The following AGBL1 variants were observed in gnomAD, a reference collection of about 807,000 sequenced individuals.
The protein encoded by AGBL1 is AGBL carboxypeptidase 1.
In AGBL1, 130 loss-of-function variants were observed where a neutral mutation model predicts 118.9. The ratio of observed to expected loss-of-function variants is 1.09; its 90% CI spans 0.95 to 1.26. AGBL1 has a LOEUF of 1.26. AGBL1 is among the 50% of genes most tolerant of loss of function. AGBL1 has a pLI of 0.00. For synonymous variants in AGBL1, 555 were observed against 478.9 expected, an observed-to-expected ratio of 1.16 and a Z score of -2.08; for missense variants, 1,584 against 1,298.1, an observed-to-expected ratio of 1.22 and a Z score of -3.38.
intron 1 of AGBL1, among the ~76,000 whole-genome samples, chr15:86,119,867 C>T (rs183160062): frequency 6.6e-6 from 1 of 152,086 alleles, no homozygotes; most frequent in Non-Finnish European, 1.5e-5. Flanking sequence ...TAGAAAGATT[C>T]GAGTGGTGCC....
chr15:86,097,049 C>T (rs1367319506), intron 1 of AGBL1, among the ~76,000 whole-genome samples: 1 of 152,182 alleles, frequency 6.6e-6, no homozygotes, highest in Non-Finnish European at 1.5e-5. Context: ...TGCAGACTCA[C>T]TTCTAGAATT....
Position 86,900,026 on chromosome 15 carries a change from C to A in AGBL1, c.3159-7061C>A, listed in dbSNP as rs568246972. ...AGTCTTCTGGCCTTCATCTTTCTCCCGTGCTGGATGCTTCCTGCCCTTGAA... is the reference window on the plus strand; with the variant it reads ...AGTCTTCTGGCCTTCATCTTTCTCCAGTGCTGGATGCTTCCTGCCCTTGAA... On this transcript the variant is annotated intron_variant, in intron 22 of 22. Transcript: ENST00000614907. 8.5e-5 allele frequency among the ~76,000 whole-genome samples: 13 copies of A among 152,260 alleles called. No homozygotes were observed. The South Asian group carries it at 2.5e-3, about 29-fold the overall frequency.
chr15:86,785,070 G>A (rs948446497), intron 22 of AGBL1, among the ~76,000 whole-genome samples: 1 of 152,170 alleles, frequency 6.6e-6, no homozygotes, highest in Non-Finnish European at 1.5e-5. Context: ...GAATGCAAAT[G>A]AATTGGTGTT....
chr15:86,910,410 C>T lies in AGBL1; in HGVS notation c.*3116C>T, dbSNP rs1311938769. ...GTCAGATAAAGCTGCATTTGGCATT[C>T]CTTGATGAAAAGGCTGAATTTAATT... On this transcript the variant is annotated 3_prime_UTR_variant, in exon 23 of 23. Coordinates refer to ENST00000614907, the MANE Select transcript of AGBL1 (RefSeq NM_001386094.1). 2.6e-5 allele frequency: 4 copies of T among 152,114 alleles called. No individual in the cohort carries two copies. The highest frequency in any genetic ancestry group is 5.9e-5 in the Non-Finnish European group (4 of 68,030). The allele number at this position is 152,114 out of a possible 1,614,324, so 9.4% of individuals were successfully genotyped here. A position where few individuals can be genotyped will look rare whatever the true frequency, so the allele number is the denominator to read the frequency against.
chr15:86,566,721 A>G (rs2083921783), intron 21 of AGBL1, among the ~76,000 whole-genome samples: 1 of 152,170 alleles, frequency 6.6e-6, no homozygotes, highest in Non-Finnish European at 1.5e-5. Flanking sequence ...ACAGACACAC[A>G]CACACACAGA....
At chr15:86,931,108 C>A (rs1398748169) in intron 23 of AGBL1, among the ~76,000 whole-genome samples, 1 of 152,184 alleles carries the variant, frequency 6.6e-6, no homozygotes, top group Non-Finnish European at 1.5e-5. Flanking sequence ...TAAGCCAAAG[C>A]TAGCATCCTT....
intron 22 of AGBL1, among the ~76,000 whole-genome samples, chr15:86,717,594 G>A (rs1179721579): frequency 6.6e-6 from 1 of 152,152 alleles, no homozygotes; most frequent in African/African-American, 2.4e-5. Flanking sequence ...TGATTGGCCA[G>A]TTGCCCTAGG....
At chr15:86,380,197 C>T (rs2081092789) in intron 17 of AGBL1, among the ~76,000 whole-genome samples, 1 of 152,000 alleles carries the variant, frequency 6.6e-6, no homozygotes, top group African/African-American at 2.4e-5. Context: ...ATATTCTGGA[C>T]CCAGAGTTCC....
chr15:86,704,832 C>A (rs968333787), intron 22 of AGBL1, among the ~76,000 whole-genome samples: 2 of 152,150 alleles, frequency 1.3e-5, no homozygotes, highest in African/African-American at 2.4e-5. Context: ...CACATGTACA[C>A]GTATGTTTAT....
At chr15:86,452,728 C>T (rs551651673) in intron 18 of AGBL1, among the ~76,000 whole-genome samples, 1 of 152,264 alleles carries the variant, frequency 6.6e-6, no homozygotes, top group Admixed American at 6.5e-5. Context: ...AAGACGTGAT[C>T]CTGCTGCCCT....
At chr15:87,001,270 A>C (rs971930033) in intron 24 of AGBL1, among the ~76,000 whole-genome samples, 1 of 151,636 alleles carries the variant, frequency 6.6e-6, no homozygotes, top group African/African-American at 2.4e-5. Flanking sequence ...ACTATGTTGA[A>C]TAGGAGTGGT....
intron 21 of AGBL1, among the ~76,000 whole-genome samples, chr15:86,567,453 C>T (rs911622776): frequency 6.6e-6 from 1 of 152,144 alleles, no homozygotes; most frequent in African/African-American, 2.4e-5. Context: ...GGGAAGAAGA[C>T]AATTTGTGAG....
chr15:86,589,477 T>C (rs940557880), intron 21 of AGBL1, among the ~76,000 whole-genome samples: 1 of 152,138 alleles, frequency 6.6e-6, no homozygotes, highest in Non-Finnish European at 1.5e-5. Flanking sequence ...CACAATAAGA[T>C]TCGATATGCA....
chr15:86,680,785 T>C (rs1320945823), intron 22 of AGBL1, among the ~76,000 whole-genome samples: 1 of 151,908 alleles, frequency 6.6e-6, no homozygotes, highest in East Asian at 1.9e-4. Flanking sequence ...CAGGTTGGTT[T>C]TGAACTCCTG....
At chr15:86,245,525 A>G (rs775781634) in intron 6 of AGBL1, among the ~76,000 whole-genome samples, 1 of 152,250 alleles carries the variant, frequency 6.6e-6, no homozygotes, top group South Asian at 2.1e-4. Flanking sequence ...GGTAGATCTG[A>G]ACCGGTACAT....
chr15:86,615,797 A>T lies in AGBL1; in HGVS notation c.2995-58476A>T, dbSNP rs112398407. ...GATTTAAAAGTCAACAACATATATA[A>T]AAGTTCTGGAAGCAGATGGAAACTC... On this transcript the variant is annotated intron_variant, in intron 21 of 22. Coordinates refer to ENST00000614907, the MANE Select transcript of AGBL1 (RefSeq NM_001386094.1). The surrounding 1 kb of genome is among the most constrained non-coding windows in gnomAD (Gnocchi z 4.3). Among the ~76,000 whole-genome samples the T allele has an allele frequency of 1.0e-3, 152 of 152,322 alleles. No individual in the cohort carries two copies. Among genetic ancestry groups the T allele is most frequent in the Middle Eastern group, 3.4e-3 (1 of 294 alleles).
intron 17 of AGBL1, among the ~76,000 whole-genome samples, chr15:86,370,313 T>TG (rs2080953508): frequency 6.6e-6 from 1 of 150,922 alleles, no homozygotes; most frequent in South Asian, 2.1e-4. Flanking sequence ...TTTTTTTTTT[T>TG]TTTTTTCTTT....
At chr15:86,316,377 A>G (rs936580559) in intron 17 of AGBL1, among the ~76,000 whole-genome samples, 1 of 152,162 alleles carries the variant, frequency 6.6e-6, no homozygotes, top group African/African-American at 2.4e-5. Flanking sequence ...CACGGCTTAT[A>G]CTAAAGAACC....
At chr15:86,709,097 C>A (rs575773597) in intron 22 of AGBL1, among the ~76,000 whole-genome samples, 4 of 152,260 alleles carry the variant, frequency 2.6e-5, no homozygotes, top group East Asian at 3.9e-4. Flanking sequence ...TACATTAATT[C>A]TTGTATTTAT....
Sources: gnomAD v4.1 joint callset for allele counts (sites outside exome capture counted in the v4.1 genomes callset) on GRCh38, gnomAD v4.1.1 for gene constraint, Gnocchi (gnomAD v3.1) non-coding constraint, MANE v1.5 for transcripts, NCBI Gene and HGNC (gene_info 2026-07-23, HGNC 2026-07-21) for gene names.